The following LIPC variants were observed in gnomAD, a reference collection of about 807,000 sequenced individuals.
LIPC encodes the protein lipase C, hepatic type.
Under a neutral mutation model 50.7 loss-of-function variants are expected in LIPC, and 44 were observed. The observed-to-expected ratio is 0.87, with a 90% confidence interval of 0.68 to 1.11. LIPC has a LOEUF of 1.11. Ranked by LOEUF, LIPC falls within the 50% of genes most tolerant of loss-of-function variation. LIPC has a pLI of 0.00. For missense variants in LIPC, 697 were observed against 648.2 expected, an observed-to-expected ratio of 1.08 and a Z score of -0.82; for synonymous variants, 271 against 256.4, an observed-to-expected ratio of 1.06 and a Z score of -0.54.
chr15:58,540,532 T>C (rs1176184371), intron 2 of LIPC, among the ~76,000 whole-genome samples: 1 of 152,128 alleles, frequency 6.6e-6, no homozygotes, highest in African/African-American at 2.4e-5. Flanking sequence ...TCCATGCACA[T>C]AGAAGGCACT....
At chr15:58,559,053 GGC>G (rs1400097126) in intron 6 of LIPC, among the ~76,000 whole-genome samples, 3 of 152,194 alleles carry the variant, frequency 2.0e-5, no homozygotes, top group Non-Finnish European at 2.9e-5. Context: ...CACTGGAGCT[GGC>G]AGTACCCTCT....
At chr15:58,510,421 A>G (rs1348036177) in intron 1 of LIPC, among the ~76,000 whole-genome samples, 1 of 152,260 alleles carries the variant, frequency 6.6e-6, no homozygotes, top group African/African-American at 2.4e-5. Context: ...TTATTTGCAC[A>G]TAAAAAGGCA....
At chr15:58,552,925 G>A (rs558584247) in intron 6 of LIPC, among the ~76,000 whole-genome samples, 1 of 152,226 alleles carries the variant, frequency 6.6e-6, no homozygotes, top group African/African-American at 2.4e-5. Flanking sequence ...GGACCTGCAG[G>A]TGGGTCTCAA....
intron 8 of LIPC, among the ~76,000 whole-genome samples, chr15:58,567,219 A>ATG (rs1894397999): frequency 7.0e-6 from 1 of 142,922 alleles, no homozygotes; most frequent in Non-Finnish European, 1.5e-5. Flanking sequence ...TAAAAAATAT[A>ATG]TATATATATA....
chr15:58,532,961 G>A (rs1370580937), intron 1 of LIPC, among the ~76,000 whole-genome samples: 1 of 152,138 alleles, frequency 6.6e-6, no homozygotes, highest in Non-Finnish European at 1.5e-5. Context: ...CTAATTTTAA[G>A]GATTGTTTTG....
chr15:58,500,209 A>C (rs1891933032), intron 1 of LIPC, among the ~76,000 whole-genome samples: 1 of 152,294 alleles, frequency 6.6e-6, no homozygotes, highest in Non-Finnish European at 1.5e-5. Context: ...CCGTGGAGCC[A>C]GAAGCAGTAG....
intron 1 of LIPC, among the ~76,000 whole-genome samples, chr15:58,498,269 C>T (rs966860026): frequency 6.6e-6 from 1 of 152,086 alleles, no homozygotes; most frequent in African/African-American, 2.4e-5. Context: ...CAGCTGGACC[C>T]CACCTCGCAA....
chr15:58,537,198 G>A (rs781117976), intron 1 of LIPC, among the ~76,000 whole-genome samples: 21 of 152,134 alleles, frequency 1.4e-4, no homozygotes, highest in Admixed American at 6.5e-4. Context: ...CCATGGAAAC[G>A]CGCCACCTTG....
intron 1 of LIPC, among the ~76,000 whole-genome samples, chr15:58,487,563 TC>T (rs1458979238): frequency 6.6e-6 from 1 of 152,224 alleles, no homozygotes; most frequent in Admixed American, 6.5e-5. Context: ...CATTTTTGCT[TC>T]TCAGTTGTTG....
chr15:58,432,412 C>T lies in LIPC; in HGVS notation c.88+292C>T, dbSNP rs181829770. On this transcript the variant is annotated intron_variant, in intron 1 of 8. Transcript: ENST00000299022. The stretch of plus-strand genomic sequence containing the variant: ...AGTCATGCTAAAAGTTATTCAGCGG[C>T]AAATGATATGAAAGCGATTCAGATC... 8.2e-4 allele frequency: 351 copies of T among 429,566 alleles called. 2 individuals carry two copies. The highest frequency in any genetic ancestry group is 6.5e-3 in the African/African-American group (325 of 50,200). The allele number at this position is 429,566 out of a possible 1,614,324, so 26.6% of individuals were successfully genotyped here. A position where few individuals can be genotyped will look rare whatever the true frequency, so the allele number is the denominator to read the frequency against.
chr15:58,564,873 C>T (rs1016214313), intron 8 of LIPC, among the ~76,000 whole-genome samples: 2 of 152,156 alleles, frequency 1.3e-5, no homozygotes, highest in Non-Finnish European at 2.9e-5. Flanking sequence ...GGCAGAATTC[C>T]AGGCATCCCC....
rs551265103 is a variant in LIPC, at chr15:58,495,829, T to G, written c.89-42504T>G. On this transcript the variant is annotated intron_variant, in intron 1 of 8. Transcript: ENST00000299022. ...CATCTACAAGTCTTTGTTAACTGAT[T>G]ACAGGTTTCTGTAATTCTAGGCATG... 2.0e-5 allele frequency among the ~76,000 whole-genome samples: 3 copies of G among 152,340 alleles called. No homozygotes were observed. In the East Asian group the frequency reaches 5.8e-4, roughly 29 times the overall value.
intron 1 of LIPC, among the ~76,000 whole-genome samples, chr15:58,457,109 AT>A (rs1209531309): frequency 1.4e-4 from 22 of 152,022 alleles, no homozygotes; most frequent in African/African-American, 4.6e-4. Flanking sequence ...CGAAAACATG[AT>A]TTTTTTATTA....
intron 1 of LIPC, among the ~76,000 whole-genome samples, chr15:58,453,866 CAAA>C (rs398043355): frequency 2.5e-5 from 3 of 120,990 alleles, no homozygotes; most frequent in African/African-American, 3.2e-5. Context: ...GACCCTGTCT[CAAA>C]AAAAAAAAAG....
chr15:58,552,632 C>G (rs1471474805), intron 6 of LIPC, among the ~76,000 whole-genome samples: 2 of 152,248 alleles, frequency 1.3e-5, no homozygotes, highest in Non-Finnish European at 2.9e-5. Context: ...TGAGAGCACC[C>G]TTCCTTGCTG....
chr15:58,491,133 G>A (rs1014651269), intron 1 of LIPC, among the ~76,000 whole-genome samples: 16 of 152,154 alleles, frequency 1.1e-4, no homozygotes, highest in Non-Finnish European at 1.6e-4. Flanking sequence ...CAGCCAGGCC[G>A]CAAGAGGACA....
intron 1 of LIPC, among the ~76,000 whole-genome samples, chr15:58,491,195 A>G (rs1891574900): frequency 6.6e-6 from 1 of 152,310 alleles, no homozygotes; most frequent in Non-Finnish European, 1.5e-5. Flanking sequence ...CTCTAGAGCT[A>G]GACACTTAGA....
intron 1 of LIPC, among the ~76,000 whole-genome samples, chr15:58,491,785 T>C (rs1891595308): frequency 6.6e-6 from 1 of 152,186 alleles, no homozygotes; most frequent in Admixed American, 6.5e-5. Context: ...CCTTCCCTCA[T>C]CCCTGGCCTG....
chr15:58,555,859 G>A (rs1314523661), intron 6 of LIPC, among the ~76,000 whole-genome samples: 4 of 152,178 alleles, frequency 2.6e-5, no homozygotes, highest in Non-Finnish European at 4.4e-5. Context: ...TCCAGAGCAC[G>A]GGGGAGCAGA....
Sources: gnomAD v4.1 joint callset for allele counts (sites outside exome capture counted in the v4.1 genomes callset) on GRCh38, gnomAD v4.1.1 for gene constraint, MANE v1.5 for transcripts, NCBI Gene and HGNC (gene_info 2026-07-23, HGNC 2026-07-21) for gene names.